Variants in IQSEC1 observed in about 807,000 individuals in gnomAD.
IQSEC1 encodes the protein IQ motif and Sec7 domain ArfGEF 1.
Under a neutral mutation model 91.0 loss-of-function variants are expected in IQSEC1, and 31 were observed. The observed-to-expected ratio is 0.34, with a 90% CI of 0.26 to 0.46. IQSEC1 has a LOEUF of 0.46. Among genes scored for constraint, IQSEC1 ranks in the 20% least tolerant of loss-of-function variants. The pLI is 1.00. For missense variants in IQSEC1, 1,388 were observed against 1,575.6 expected (o/e 0.88, Z 2.02); for synonymous variants, 699 against 662.6 (o/e 1.05, Z -0.84).
chr3:13,165,081 C>T (rs924051904), intron 1 of IQSEC1, among the ~76,000 whole-genome samples: 4 of 152,174 alleles, frequency 2.6e-5, no homozygotes, highest in African/African-American at 4.8e-5. Flanking sequence ...GATTCAGACC[C>T]GGCCTCCCTT....
At chr3:13,095,828 G>C (rs1046676774) in intron 2 of IQSEC1, among the ~76,000 whole-genome samples, 2 of 152,212 alleles carry the variant, frequency 1.3e-5, no homozygotes, top group African/African-American at 4.8e-5. Flanking sequence ...ACGCAAAAGC[G>C]CTGAGCCAGC....
chr3:13,199,963 C>G (rs966959026), intron 1 of IQSEC1, among the ~76,000 whole-genome samples: 1 of 148,558 alleles, frequency 6.7e-6, no homozygotes, highest in African/African-American at 2.5e-5. Context: ...CACACATACA[C>G]ATACACCACA....
At chr3:13,161,556 C>T (rs1456923692) in intron 2 of IQSEC1, among the ~76,000 whole-genome samples, 2 of 152,152 alleles carry the variant, frequency 1.3e-5, no homozygotes, top group African/African-American at 4.8e-5. Context: ...AGGGTGTGAC[C>T]CATGACATAG....
chr3:13,277,106 TAAAA>T (rs4034193), intron 1 of IQSEC1, among the ~76,000 whole-genome samples: 10,718 of 34,326 alleles, frequency 0.31, 479 homozygotes, highest in East Asian at 0.38. Context: ...TGCTCCTCCT[TAAAA>T]AAAAAAAAAA....
intron 1 of IQSEC1, among the ~76,000 whole-genome samples, chr3:13,009,707 A>C (rs566578111): frequency 6.6e-6 from 1 of 152,140 alleles, no homozygotes; most frequent in African/African-American, 2.4e-5. Flanking sequence ...TGCTGATTAG[A>C]TATTTTATCA....
At chr3:13,060,853 C>T (rs532325687) in intron 1 of IQSEC1, among the ~76,000 whole-genome samples, 8 of 152,340 alleles carry the variant, frequency 5.3e-5, no homozygotes, top group Admixed American at 3.3e-4. Flanking sequence ...CACAGGGCTA[C>T]GCCCAGGCCC....
rs565627663 is a variant in IQSEC1 at position 13,092,659 on chromosome 3, G to A, written c.303-45137C>T. 2.6e-5 allele frequency among the ~76,000 whole-genome samples: 4 copies of A among 152,196 alleles called. No homozygotes were observed. The South Asian group carries it at 8.3e-4, about 32-fold the overall frequency. On this transcript the variant is annotated intron_variant, in intron 2 of 15. Coordinates refer to the IQSEC1 transcript ENST00000648114. ...AGAAGTCAATTTTAGCCCCTAACCC[G>A]AATTATTTCTGTTCCCTCACCAGAA...
intron 1 of IQSEC1, among the ~76,000 whole-genome samples, chr3:13,031,500 C>G (rs1703840712): frequency 6.6e-6 from 1 of 152,210 alleles, no homozygotes; most frequent in African/African-American, 2.4e-5. Flanking sequence ...GGTCTCCCGG[C>G]AAGCCCATGG....
intron 1 of IQSEC1, among the ~76,000 whole-genome samples, chr3:13,227,262 G>A (rs1283188634): frequency 6.6e-6 from 1 of 151,136 alleles, no homozygotes; most frequent in Non-Finnish European, 1.5e-5. Context: ...TATAATCCCA[G>A]CTACTCGGGA....
intron 1 of IQSEC1, 101 bp downstream of exon 1, chr3:13,072,891 C>T: frequency 9.4e-7 from 1 of 1,067,494 alleles, no homozygotes; most frequent in East Asian, 2.6e-5. Context: ...ACCTGCACAT[C>T]CACCTGCCCC....
chr3:13,030,700 G>T (rs1193088507), intron 1 of IQSEC1, among the ~76,000 whole-genome samples: 2 of 152,250 alleles, frequency 1.3e-5, no homozygotes, highest in African/African-American at 4.8e-5. Flanking sequence ...CGAGACACGT[G>T]CACTGTGTGG....
chr3:12,900,198 AAC>A lies in IQSEC1; in HGVS notation c.*783_*784del, dbSNP rs1694092020. Reference sequence around the variant, plus strand: ...ATACAAAGCAATACTGGACTTTTTAAACAGTTAGATGCTATGTTACTTGGCAC... The same window carrying A: ...ATACAAAGCAATACTGGACTTTTTAAAGTTAGATGCTATGTTACTTGGCAC... On this transcript the variant is annotated 3_prime_UTR_variant, in exon 14 of 14. Transcript: ENST00000613206. 1 of 979,860 alleles carries A rather than the reference AAC, an allele frequency of 1.0e-6. No individual in the cohort carries two copies. Among genetic ancestry groups the A allele is most frequent in the African/African-American group, 1.8e-5 (1 of 57,128 alleles). 60.7% of individuals were successfully genotyped at this position (979,860 alleles called of 1,614,324 possible). A position where few individuals can be genotyped will look rare whatever the true frequency, so the allele number is the denominator to read the frequency against.
At position 12,902,691 on chromosome 3, in the gene IQSEC1, A is replaced by AC. The variant is rs1346899660; in HGVS notation, c.2805+81_2805+82insG. On this transcript the variant is annotated intron_variant, in intron 13 of 13. Transcript: ENST00000613206. ...AAACCAAAAAAAAAAAAAAAAAAAAAAAACCAGGACAACAGATATGAACTG... is the reference window on the plus strand; with the variant it reads ...AAACCAAAAAAAAAAAAAAAAAAAAACAAACCAGGACAACAGATATGAACTG... 1.3e-3 allele frequency: 937 copies of AC among 720,510 alleles called. 6 individuals are homozygous for AC. The African/African-American group carries it at 0.015, about 12-fold the overall frequency. The allele number at this position is 720,510 out of a possible 1,614,324, so 44.6% of individuals were successfully genotyped here. A position where few individuals can be genotyped will look rare whatever the true frequency, so the allele number is the denominator to read the frequency against.
chr3:13,150,033 A>T (rs1706968294), intron 2 of IQSEC1, among the ~76,000 whole-genome samples: 1 of 152,140 alleles, frequency 6.6e-6, no homozygotes, highest in African/African-American at 2.4e-5. Flanking sequence ...GAGGAGGGAG[A>T]AGAATCCGAC....
intron 1 of IQSEC1, among the ~76,000 whole-genome samples, chr3:13,043,899 C>T (rs923356319): frequency 6.6e-6 from 1 of 152,228 alleles, no homozygotes; most frequent in African/African-American, 2.4e-5. Context: ...CCTCCCCACT[C>T]CCCCTCAGAT....
chr3:13,005,726 C>A (rs1702607868), intron 1 of IQSEC1, among the ~76,000 whole-genome samples: 1 of 152,208 alleles, frequency 6.6e-6, no homozygotes, highest in African/African-American at 2.4e-5. Context: ...CTGCTCTGGG[C>A]AGCCTGGCTC....
At chr3:13,138,337 G>A (rs1295018548) in intron 2 of IQSEC1, among the ~76,000 whole-genome samples, 1 of 151,872 alleles carries the variant, frequency 6.6e-6, no homozygotes, top group Non-Finnish European at 1.5e-5. Flanking sequence ...AGCCTGGCAA[G>A]CAGGCCCTAG....
At chr3:13,283,240 C>T (rs954603813) in exon 1 of IQSEC1, among the ~76,000 whole-genome samples, 6 of 150,112 alleles carry the variant, frequency 4.0e-5, no homozygotes, top group African/African-American at 9.7e-5. Context: ...AGCGGGCAGG[C>T]GAGGAGTTTT....
intron 1 of IQSEC1, among the ~76,000 whole-genome samples, chr3:12,949,404 G>A (rs1699393354): frequency 6.6e-6 from 1 of 152,264 alleles, no homozygotes; most frequent in African/African-American, 2.4e-5. Context: ...AAGCCTGTCT[G>A]TGGTTAAATG....
Sources: gnomAD v4.1 joint callset for allele counts (sites outside exome capture counted in the v4.1 genomes callset) on GRCh38, gnomAD v4.1.1 for gene constraint, MANE v1.5 for transcripts, NCBI Gene and HGNC (gene_info 2026-07-23, HGNC 2026-07-21) for gene names.